The following SRP54 variants were observed in gnomAD, a reference collection of about 807,000 sequenced individuals.
SRP54 encodes the protein signal recognition particle subunit SRP54.
Under a neutral mutation model 64.8 loss-of-function variants are expected in SRP54, and 10 were observed. The ratio of observed to expected loss-of-function variants is 0.15; its 90% CI spans 0.10 to 0.26. The LOEUF is 0.26. Among genes scored for constraint, SRP54 ranks in the 10% least tolerant of loss-of-function variants. SRP54 has a pLI of 1.00. For missense variants in SRP54, 325 were observed against 613.7 expected (o/e 0.53, Z 4.97); for synonymous variants, 193 against 185.6 (o/e 1.04, Z -0.32).
chr14:35,000,816 G>A (rs1270112229), intron 3 of SRP54, 120 bp from the exon 4 acceptor site: 1 of 447,380 alleles, frequency 2.2e-6, no homozygotes, highest in Non-Finnish European at 4.0e-6. Flanking sequence ...ATGTTAATTG[G>A]AAGACTATTA....
At chr14:35,006,280 A>G (rs1052635831) in intron 4 of SRP54, among the ~76,000 whole-genome samples, 1 of 152,222 alleles carries the variant, frequency 6.6e-6, no homozygotes, top group Non-Finnish European at 1.5e-5. Flanking sequence ...GCATTGGAGA[A>G]TTTACAGTTT....
At chr14:34,993,700 T>TTA (rs1245715290) in intron 1 of SRP54, among the ~76,000 whole-genome samples, 71 of 150,674 alleles carry the variant, frequency 4.7e-4, no homozygotes, top group Non-Finnish European at 3.1e-4. Flanking sequence ...TTAATTAATT[T>TTA]ATTTATTTAT....
chr14:35,011,745 T>C, intron 8 of SRP54, 86 bp downstream of exon 8: 1 of 1,217,190 alleles, frequency 8.2e-7, no homozygotes, highest in Non-Finnish European at 1.1e-6. Context: ...CAATATAAAT[T>C]ATTCTTTGCC....
intron 1 of SRP54, among the ~76,000 whole-genome samples, chr14:34,988,028 A>T (rs2043924811): frequency 6.6e-6 from 1 of 152,168 alleles, no homozygotes; most frequent in Non-Finnish European, 1.5e-5. Flanking sequence ...TACAATCCAT[A>T]TTAATATATA....
At chr14:35,008,522 G>A (rs1318789116) in intron 5 of SRP54, 105 bp from the exon 6 acceptor site, 3 of 696,876 alleles carry the variant, frequency 4.3e-6, no homozygotes, top group Non-Finnish European at 6.3e-6. Flanking sequence ...ATTATAAGCA[G>A]TTTTATTTTA....
chr14:35,004,511 A>G (rs2044227508), intron 4 of SRP54: 1 of 152,240 alleles, frequency 6.6e-6, no homozygotes, highest in South Asian at 2.1e-4. Context: ...ACAGATTTTA[A>G]TGTAACGAGT....
chr14:35,014,733 G>T lies in SRP54; in HGVS notation c.887-11G>T, dbSNP rs769378168. The T allele has an allele frequency of 1.2e-6, 2 of 1,606,844 alleles. No individual in the cohort carries two copies. The highest frequency in any genetic ancestry group is 1.1e-5 in the South Asian group (1 of 90,126). The stretch of plus-strand genomic sequence containing the variant: ...TATTAGTTGTTAATTTTTCTTTTTT[G>T]TATCTTATAGGTATGGGCGACATTG... On this transcript the variant is annotated splice_polypyrimidine_tract_variant and intron_variant, in intron 10 of 15. Transcript: ENST00000216774.
At chr14:34,996,289 G>T (rs977215041) in intron 1 of SRP54, among the ~76,000 whole-genome samples, 3 of 152,016 alleles carry the variant, frequency 2.0e-5, no homozygotes, top group African/African-American at 4.8e-5. Context: ...GGGAAATTAG[G>T]CAGTATTCCT....
At chr14:35,028,027 T>C in intron 14 of SRP54, 61 bp from the exon 15 acceptor site, 1 of 1,087,300 alleles carries the variant, frequency 9.2e-7, no homozygotes. Flanking sequence ...TATTATACCC[T>C]GATTATACTG....
chr14:35,011,749 C>G (rs1165215663), intron 8 of SRP54, 90 bp downstream of exon 8: 1 of 1,188,146 alleles, frequency 8.4e-7, no homozygotes, highest in Non-Finnish European at 1.1e-6. Context: ...ATAAATTATT[C>G]TTTGCCTGTG....
intron 1 of SRP54, among the ~76,000 whole-genome samples, chr14:34,996,275 A>T (rs1373797836): frequency 6.6e-6 from 1 of 152,102 alleles, no homozygotes; most frequent in African/African-American, 2.4e-5. Flanking sequence ...GAGTCCTTTA[A>T]TGTGGGAAAT....
chr14:34,988,584 T>A (rs868441489), intron 1 of SRP54, among the ~76,000 whole-genome samples: 52 of 74,790 alleles, frequency 7.0e-4, no homozygotes, highest in South Asian at 1.4e-3. Flanking sequence ...AAAAAATATA[T>A]ATATATATAT....
In SRP54 at chr14:35,013,797, T is replaced by TC; in HGVS notation, c.786-3dup. ...GGTTATTTTATATTTTCTTTTTTTT[T>TC]CCAGAGTCGCTGCCACAAAAAGTCC... is the stretch of plus-strand genomic sequence containing the variant. On this transcript the variant is annotated splice_region_variant and splice_polypyrimidine_tract_variant and intron_variant, in intron 9 of 15. Transcript: ENST00000216774. The TC allele has an allele frequency of 6.3e-7, 1 of 1,599,944 alleles. No individual in the cohort carries two copies. Among genetic ancestry groups the TC allele is most frequent in the Non-Finnish European group, 8.5e-7 (1 of 1,175,484 alleles).
intron 14 of SRP54, among the ~76,000 whole-genome samples, chr14:35,026,992 C>T (rs1202845606): frequency 6.6e-6 from 1 of 151,174 alleles, no homozygotes; most frequent in East Asian, 2.0e-4. Context: ...CACATCTTCA[C>T]GTTCTCTCAG....
At chr14:35,015,449 A>G (rs1156708889) in intron 11 of SRP54, among the ~76,000 whole-genome samples, 1 of 152,022 alleles carries the variant, frequency 6.6e-6, no homozygotes, top group Non-Finnish European at 1.5e-5. Flanking sequence ...CATTTTCTTT[A>G]CCCCACATGA....
chr14:35,028,067 TC>T lies in SRP54; in HGVS notation c.1328-20del, dbSNP rs1356020851. On this transcript the variant is annotated intron_variant, in intron 14 of 15. Transcript: ENST00000216774. ...TATTACCTCCTACGCTGACTCAAAA[TC>T]TTTTTTTTTTTCCCCTCAGGTGGCG... 5 of 1,558,318 alleles carry T rather than the reference TC, an allele frequency of 3.2e-6. No homozygotes were observed. The South Asian group carries it at 3.4e-5, about 11-fold the overall frequency.
intron 7 of SRP54, 111 bp from the exon 8 acceptor site, chr14:35,011,398 A>T (rs1384385879): frequency 1.4e-6 from 1 of 721,394 alleles, no homozygotes; most frequent in Non-Finnish European, 2.1e-6. Context: ...CTAAATTGAA[A>T]TTGGGGTCAT....
At chr14:34,991,888 T>C (rs531775449) in intron 1 of SRP54, among the ~76,000 whole-genome samples, 13 of 152,308 alleles carry the variant, frequency 8.5e-5, no homozygotes, top group Admixed American at 5.9e-4. Context: ...AAAGGTATTA[T>C]TAGATGTTCT....
At chr14:35,019,906 G>A (rs986938675) in intron 13 of SRP54, among the ~76,000 whole-genome samples, 14 of 152,216 alleles carry the variant, frequency 9.2e-5, no homozygotes, top group African/African-American at 3.4e-4. Context: ...TTGGCCGGGC[G>A]CAGTGGCTCA....
Sources: gnomAD v4.1 joint callset for allele counts (sites outside exome capture counted in the v4.1 genomes callset) on GRCh38, gnomAD v4.1.1 for gene constraint, MANE v1.5 for transcripts, NCBI Gene and HGNC (gene_info 2026-07-23, HGNC 2026-07-21) for gene names.